WASHC5: variants seen among roughly 807,000 people sequenced by gnomAD.
The protein encoded by WASHC5 is WASH complex subunit 5, also known as WASH complex subunit strumpellin.
Under a neutral mutation model 150.4 loss-of-function variants are expected in WASHC5, and 101 were observed. The ratio of observed to expected loss-of-function variants is 0.67; its 90% CI spans 0.57 to 0.79. WASHC5 has a LOEUF of 0.79. Among genes scored for constraint, WASHC5 ranks in the 30% least tolerant of loss-of-function variants. The pLI, the probability that WASHC5 is intolerant of heterozygous loss-of-function variation, is 0.00. For synonymous variants in WASHC5, 467 were observed against 491.2 expected, an observed-to-expected ratio of 0.95 and a Z score of 0.65; for missense variants, 1,195 against 1,396.3, an observed-to-expected ratio of 0.86 and a Z score of 2.30.
intron 23 of WASHC5, among the ~76,000 whole-genome samples, chr8:125,042,684 A>C (rs1015963427): frequency 2.6e-5 from 4 of 152,202 alleles, no homozygotes; most frequent in African/African-American, 9.6e-5. Context: ...ACACCTGTCC[A>C]AACTCGGGTG....
chr8:125,070,667 C>A (rs1019081569), intron 9 of WASHC5, among the ~76,000 whole-genome samples: 5 of 152,196 alleles, frequency 3.3e-5, no homozygotes, highest in African/African-American at 9.6e-5. Context: ...CAAATTAGAA[C>A]TGGAGTTTAT....
Position 125,043,824 on chromosome 8 carries a change from C to A in WASHC5, c.2850+1G>T, listed in dbSNP as rs374702872. ...TGTACACCCTCTCTTCTACAACATACCTTCATTATAGCCTCGAGATACGCA... is the reference window on the plus strand; with the variant it reads ...TGTACACCCTCTCTTCTACAACATAACTTCATTATAGCCTCGAGATACGCA... On this transcript the variant is annotated splice_donor_variant, in intron 23 of 28. Coordinates refer to ENST00000318410, the MANE Select transcript of WASHC5 (RefSeq NM_014846.4). LOFTEE classifies it high-confidence loss of function. 1.9e-6 allele frequency: 3 copies of A among 1,599,868 alleles called. No individual in the cohort carries two copies. The highest frequency in any genetic ancestry group is 2.6e-6 in the Non-Finnish European group (3 of 1,167,358).
At chr8:125,078,365 C>T (rs1027529398) in intron 6 of WASHC5, among the ~76,000 whole-genome samples, 1 of 152,308 alleles carries the variant, frequency 6.6e-6, no homozygotes, top group African/African-American at 2.4e-5. Context: ...ATAATCCTGT[C>T]ATCTGCCTTT....
rs767327987 is a variant in WASHC5 at position 125,056,721 on chromosome 8, T to C, written c.1972A>G (p.Lys658Glu). 3 of 1,614,176 alleles carry C rather than the reference T, an allele frequency of 1.9e-6. No homozygotes were observed. The Admixed American group carries it at 5.0e-5, about 27-fold the overall frequency. The change falls in exon 16 of 29, where the codon AAA becomes GAA. Residue 658 changes from lysine to glutamate, a missense_variant. Transcript: ENST00000318410. ...TGAGCATAGTCCCTCAGCTTGTCTT[T>C]GTCCAGGCGGGTAGGCACTTCAATA... ...DIIEVPTRLD[K>E]DKLRDYAQLG...
At chr8:125,081,593 A>C (rs1817264199) in intron 5 of WASHC5, 68 bp downstream of exon 5, 3 of 864,656 alleles carry the variant, frequency 3.5e-6, no homozygotes, top group Non-Finnish European at 5.9e-6. Flanking sequence ...AGTATAAGGA[A>C]TATGGGGACA....
chr8:125,050,525 G>A, intron 18 of WASHC5, 39 bp downstream of exon 18: 1 of 1,420,958 alleles, frequency 7.0e-7, no homozygotes. Flanking sequence ...CTGCAAGCTG[G>A]GCGGAGAAGA....
Position 125,076,382 on chromosome 8 carries a change from C to G in WASHC5, c.830G>C (p.Arg277Thr). Residue 277 changes from arginine (R) to threonine (T), a missense_variant, in exon 7 of 29, where the codon AGA becomes ACA. Physicochemically the swap from Arg to Thr is moderately conservative, Grantham distance 71 (BLOSUM62 -1). Coordinates refer to ENST00000318410, the MANE Select transcript of WASHC5 (RefSeq NM_014846.4). The part of the protein sequence containing the change: ...SILHTHQAKM[R>T]EIVDKYFPDN... ...TGGAAAGTATTTATCCACTATCTCT[C>G]TCATTTTTGCTTGATGGGTGTGAAG... is the stretch of plus-strand genomic sequence containing the variant. The G allele has an allele frequency of 6.2e-7, 1 of 1,613,970 alleles. No homozygotes were observed. The highest frequency in any genetic ancestry group is 1.1e-5 in the South Asian group (1 of 91,072).
At chr8:125,038,594 G>A (rs1815785257) in intron 25 of WASHC5, among the ~76,000 whole-genome samples, 1 of 152,190 alleles carries the variant, frequency 6.6e-6, no homozygotes, top group South Asian at 2.1e-4. Context: ...TTACACGGAG[G>A]CAGCACCTTC....
intron 10 of WASHC5, among the ~76,000 whole-genome samples, chr8:125,066,548 T>C (rs753481984): frequency 1.3e-5 from 2 of 152,198 alleles, no homozygotes; most frequent in African/African-American, 4.8e-5. Flanking sequence ...TTTCCTTCAG[T>C]GAACTCAGAT....
intron 26 of WASHC5, among the ~76,000 whole-genome samples, chr8:125,034,975 C>T (rs566436971): frequency 1.4e-4 from 21 of 152,258 alleles, no homozygotes; most frequent in Middle Eastern, 3.4e-3. Context: ...AAATGTTTTT[C>T]GGATATACAG....
chr8:125,034,486 G>C (rs184309951), intron 26 of WASHC5, among the ~76,000 whole-genome samples: 47 of 152,040 alleles, frequency 3.1e-4, no homozygotes, highest in Middle Eastern at 3.4e-3. Context: ...CTGGGTGACA[G>C]AGTGAGACTC....
Position 125,078,749 on chromosome 8 carries a change from T to C in WASHC5, c.700A>G (p.Ile234Val), listed in dbSNP as rs750489615. Residue 234 changes from isoleucine to valine, a missense_variant, in exon 6 of 29, where the codon ATT becomes GTT. By Grantham distance (29) the Ile-to-Val change is conservative. Coordinates refer to ENST00000318410, the MANE Select transcript of WASHC5 (RefSeq NM_014846.4). ...MVIGRLRSDD[I>V]YNQVSAYPLP... Reference sequence around the variant, plus strand: ...GATTTAATTCCCACCTGGTTGTAAATATCATCAGATCTCAGTCGACCAATG... The same window carrying C: ...GATTTAATTCCCACCTGGTTGTAAACATCATCAGATCTCAGTCGACCAATG... 5 of 1,613,128 alleles carry C rather than the reference T, an allele frequency of 3.1e-6. No individual in the cohort carries two copies. The highest frequency in any genetic ancestry group is 1.7e-5 in the Admixed American group (1 of 60,004).
At position 125,057,673 on chromosome 8, in the gene WASHC5, G is replaced by A. The variant is rs771482377; in HGVS notation, c.1765-7C>T. The A allele has an allele frequency of 1.9e-6, 3 of 1,544,494 alleles. No homozygotes were observed. Among genetic ancestry groups the A allele is most frequent in the South Asian group, 2.2e-5 (2 of 89,068 alleles). ...GATCGAGGGCAGAGGCAAGCTGGAA[G>A]AAAAATAAGGTATATCTGTTTCTTG... is the stretch of plus-strand genomic sequence containing the variant. On this transcript the variant is annotated splice_polypyrimidine_tract_variant and splice_region_variant and intron_variant, in intron 14 of 28. Coordinates refer to ENST00000318410, the MANE Select transcript of WASHC5 (RefSeq NM_014846.4).
At chr8:125,086,989 G>A (rs535212102) in intron 1 of WASHC5, among the ~76,000 whole-genome samples, 2 of 152,172 alleles carry the variant, frequency 1.3e-5, no homozygotes, top group South Asian at 2.1e-4. Flanking sequence ...GAGGCTATTC[G>A]GCTTCTGCAG....
chr8:125,072,320 C>G (rs1301814973), intron 9 of WASHC5, among the ~76,000 whole-genome samples: 6 of 116,720 alleles, frequency 5.1e-5, no homozygotes, highest in African/African-American at 2.1e-4. Flanking sequence ...ACCTGGGGAA[C>G]TTGAGATCCT....
intron 7 of WASHC5, 26 bp from the exon 8 acceptor site, chr8:125,075,137 G>T: frequency 7.3e-7 from 1 of 1,378,664 alleles, no homozygotes; most frequent in Non-Finnish European, 1.0e-6. Flanking sequence ...TTCAGAATTT[G>T]TTAAATTCCT....
chr8:125,089,082 T>C (rs567337560), intron 1 of WASHC5, among the ~76,000 whole-genome samples: 2 of 152,354 alleles, frequency 1.3e-5, no homozygotes, highest in African/African-American at 4.8e-5. Flanking sequence ...GTTCTTTTAG[T>C]TTCCTCTGTG....
rs1256763368 is a variant in WASHC5 at position 125,057,544 on chromosome 8, T to C, written c.1875+12A>G. On this transcript the variant is annotated intron_variant, in intron 15 of 28. Transcript: ENST00000318410. ...CTGGCAAGAGTAAATATCACCCTGA[T>C]GCATTTCTTACTTTTCTCACATAGG... 2 of 1,513,466 alleles carry C rather than the reference T, an allele frequency of 1.3e-6. No individual in the cohort carries two copies. The highest frequency in any genetic ancestry group is 2.3e-5 in the East Asian group (1 of 44,390). 93.8% of individuals were successfully genotyped at this position (1,513,466 alleles called of 1,614,324 possible).
chr8:125,063,331 A>G (rs1470081360), intron 11 of WASHC5, among the ~76,000 whole-genome samples, 191 bp downstream of exon 11: 1 of 152,224 alleles, frequency 6.6e-6, no homozygotes, highest in Non-Finnish European at 1.5e-5. Context: ...GAATATGAAC[A>G]TTGCCCAAGA....
Sources: allele counts gnomAD v4.1 joint callset (sites outside exome capture counted in the v4.1 genomes callset), GRCh38; gene constraint gnomAD v4.1.1; transcripts MANE v1.5; gene names NCBI Gene and HGNC (gene_info 2026-07-23, HGNC 2026-07-21).